UST: variants seen among roughly 807,000 people sequenced by gnomAD.
The protein encoded by UST is uronyl 2-sulfotransferase, also known as chondroitin sulfate 2-O-sulfotransferase.
In UST, 21 loss-of-function variants were observed where a neutral mutation model predicts 45.6. That is an observed-to-expected ratio of 0.46 (90% CI 0.33 to 0.66). UST has a LOEUF of 0.66. Among genes scored for constraint, UST ranks in the 30% least tolerant of loss-of-function variants. The pLI is 0.02. For synonymous variants in UST, 215 were observed against 200.6 expected (o/e 1.07, Z -0.61); for missense variants, 463 against 512.4 (o/e 0.90, Z 0.93).
At chr6:148,754,257 A>C (rs888801679) in intron 1 of UST, among the ~76,000 whole-genome samples, 5 of 152,008 alleles carry the variant, frequency 3.3e-5, no homozygotes, top group Admixed American at 2.6e-4. Flanking sequence ...CGGCCTCCCA[A>C]AGTGCTGGGA....
chr6:148,986,473 G>T (rs923692166), intron 5 of UST, among the ~76,000 whole-genome samples: 1 of 152,148 alleles, frequency 6.6e-6, no homozygotes, highest in African/African-American at 2.4e-5. Context: ...TAGGAATTGC[G>T]CTAGTCAGTT....
chr6:148,993,108 A>G (rs1704155782), intron 5 of UST: 1 of 980,136 alleles, frequency 1.0e-6, no homozygotes, highest in Non-Finnish European at 1.2e-6. Context: ...AGGTCAGTTA[A>G]CATCTTAAAT....
chr6:148,865,664 TTGTGTGTGTGTGTGTGTGTGTGTGTGTG>T (rs56252604), intron 1 of UST, among the ~76,000 whole-genome samples: 3 of 117,848 alleles, frequency 2.5e-5, no homozygotes, highest in Non-Finnish European at 5.4e-5. Context: ...CTTGCTGAAA[TTGTGTGTGTGTGTGTGTGTGTGTGTGTG>T]TGTGTGTGTG....
intron 5 of UST, among the ~76,000 whole-genome samples, chr6:148,972,523 C>CA (rs1780936116): frequency 6.6e-6 from 1 of 152,232 alleles, no homozygotes; most frequent in South Asian, 2.1e-4. Flanking sequence ...GGGGAAGCAA[C>CA]GCTGCTCTGA....
chr6:148,807,630 A>G (rs886928309), intron 1 of UST, among the ~76,000 whole-genome samples: 1 of 152,144 alleles, frequency 6.6e-6, no homozygotes, highest in Middle Eastern at 3.2e-3. Flanking sequence ...ACTCAGGGTG[A>G]GACAGTGCGT....
chr6:148,801,296 T>C (rs1777054399), intron 1 of UST, among the ~76,000 whole-genome samples: 1 of 152,128 alleles, frequency 6.6e-6, no homozygotes, highest in Admixed American at 6.5e-5. Flanking sequence ...TTTCATGGGG[T>C]CTTGTTAAGG....
intron 1 of UST, among the ~76,000 whole-genome samples, chr6:148,755,980 A>G (rs1420823786): frequency 3.3e-5 from 5 of 149,870 alleles, no homozygotes; most frequent in Admixed American, 2.6e-4. Context: ...TACATTAGGT[A>G]TATCTCCTAA....
At chr6:148,844,106 A>G (rs1171088742) in intron 1 of UST, among the ~76,000 whole-genome samples, 1 of 152,242 alleles carries the variant, frequency 6.6e-6, no homozygotes, top group Non-Finnish European at 1.5e-5. Context: ...TCACTGAGGC[A>G]GAATTGTTTC....
chr6:148,898,622 C>A (rs1779181908), intron 2 of UST, among the ~76,000 whole-genome samples: 1 of 152,128 alleles, frequency 6.6e-6, no homozygotes, highest in Non-Finnish European at 1.5e-5. Context: ...TCTACTCTTG[C>A]CCAAGAAGAA....
intron 1 of UST, among the ~76,000 whole-genome samples, chr6:148,838,363 C>T (rs1777828982): frequency 6.6e-6 from 1 of 152,158 alleles, no homozygotes. Context: ...GAAGTGGGTC[C>T]AGATCAGCTA....
At chr6:149,024,997 A>G (rs898210198) in intron 7 of UST, among the ~76,000 whole-genome samples, 1 of 152,160 alleles carries the variant, frequency 6.6e-6, no homozygotes, top group Non-Finnish European at 1.5e-5. Flanking sequence ...ACTCCTCTCT[A>G]GCAATACTAA....
At chr6:148,774,070 G>A (rs1452308499) in intron 1 of UST, among the ~76,000 whole-genome samples, 1 of 152,126 alleles carries the variant, frequency 6.6e-6, no homozygotes, top group African/African-American at 2.4e-5. Context: ...AATGACTAGT[G>A]ACTACAGCAA....
At chr6:148,848,840 C>G (rs767245572) in intron 1 of UST, among the ~76,000 whole-genome samples, 7 of 152,076 alleles carry the variant, frequency 4.6e-5, no homozygotes, top group African/African-American at 1.7e-4. Flanking sequence ...CTCTTCGAGC[C>G]GGATAACCAA....
chr6:148,841,386 G>T (rs139772597), intron 1 of UST, among the ~76,000 whole-genome samples: 43 of 152,210 alleles, frequency 2.8e-4, no homozygotes, highest in Non-Finnish European at 3.7e-4. Flanking sequence ...ATTATACCCT[G>T]CCTCAAGTTT....
chr6:148,782,726 T>C (rs1776665748), intron 1 of UST, among the ~76,000 whole-genome samples: 1 of 152,204 alleles, frequency 6.6e-6, no homozygotes, highest in Admixed American at 6.5e-5. Flanking sequence ...GTGCTGGGAT[T>C]ACAGACATGA....
chr6:148,962,090 C>T (rs1461658075), intron 4 of UST, among the ~76,000 whole-genome samples: 1 of 152,212 alleles, frequency 6.6e-6, no homozygotes, highest in Non-Finnish European at 1.5e-5. Context: ...ATATACAAGA[C>T]ACCTGTTTGT....
intron 5 of UST, among the ~76,000 whole-genome samples, chr6:148,967,786 C>T (rs1452033824): frequency 1.3e-5 from 2 of 152,308 alleles, no homozygotes; most frequent in East Asian, 3.9e-4. Flanking sequence ...CTCTAAAGCC[C>T]CTTGCTTTAT....
At chr6:149,005,296 G>A in intron 5 of UST, 4 of 985,268 alleles carry the variant, frequency 4.1e-6, no homozygotes, top group Non-Finnish European at 4.8e-6. Context: ...CTCTCTTCTG[G>A]GTCCAGGATC....
At chr6:149,065,835 C>A (rs544252846) in intron 7 of UST, among the ~76,000 whole-genome samples, 2 of 152,194 alleles carry the variant, frequency 1.3e-5, no homozygotes, top group African/African-American at 4.8e-5. Context: ...AACCCTCTGG[C>A]AATGTCATTA....
Sources: gnomAD v4.1 joint callset for allele counts (sites outside exome capture counted in the v4.1 genomes callset) on GRCh38, gnomAD v4.1.1 for gene constraint, MANE v1.5 for transcripts, NCBI Gene and HGNC (gene_info 2026-07-23, HGNC 2026-07-21) for gene names.